ARHGAP24: variants seen among roughly 807,000 people sequenced by gnomAD.
ARHGAP24 encodes the protein Rho GTPase activating protein 24, also known as rho GTPase-activating protein 24.
ARHGAP24 carries 50 observed loss-of-function variants against 76.4 expected under a neutral mutation model. The ratio of observed to expected loss-of-function variants is 0.65; its 90% confidence interval spans 0.52 to 0.83. ARHGAP24 has a LOEUF of 0.83. Ranked by LOEUF, ARHGAP24 falls within the 40% of genes least tolerant of loss-of-function variation. ARHGAP24 has a pLI of 0.00. For synonymous variants in ARHGAP24, 345 were observed against 323.3 expected, an observed-to-expected ratio of 1.07 and a Z score of -0.72; for missense variants, 930 against 914.2, an observed-to-expected ratio of 1.02 and a Z score of -0.22.
In ARHGAP24 at chr4:85,977,682, A is replaced by C. The variant is rs1560760441; in HGVS notation, c.919A>C (p.Ile307Leu). The change falls in exon 8 of 10, where the codon ATC becomes CTC. Residue 307 changes from isoleucine to leucine, a missense_variant. Coordinates refer to ENST00000395184, the MANE Select transcript of ARHGAP24 (RefSeq NM_001025616.3). Reference sequence around the variant, plus strand: ...CCCCAAAGTGGAAGATCCTTTGACTATCATGGAGGGTAAGTAAATGATTAT... The same window carrying C: ...CCCCAAAGTGGAAGATCCTTTGACTCTCATGGAGGGTAAGTAAATGATTAT... ...LRPKVEDPLTIMEGTVVVQQL... is the reference protein window; with the variant it reads ...LRPKVEDPLTLMEGTVVVQQL... 5 of 1,613,794 alleles carry C rather than the reference A, an allele frequency of 3.1e-6. No homozygotes were observed. Among genetic ancestry groups the C allele is most frequent in the East Asian group, 2.2e-5 (1 of 44,840 alleles).
intron 5 of ARHGAP24, among the ~76,000 whole-genome samples, chr4:85,945,452 T>C (rs1009137022): frequency 6.6e-6 from 1 of 151,632 alleles, no homozygotes; most frequent in Non-Finnish European, 1.5e-5. Context: ...TAAAATAACA[T>C]TGTGCTTCTT....
chr4:85,779,620 A>C (rs1014898040), intron 3 of ARHGAP24, among the ~76,000 whole-genome samples: 1 of 152,078 alleles, frequency 6.6e-6, no homozygotes, highest in Non-Finnish European at 1.5e-5. Context: ...TTTTTTAATG[A>C]AGCTTATCTT....
At chr4:85,813,696 TTGTC>T (rs1480840640) in intron 3 of ARHGAP24, among the ~76,000 whole-genome samples, 1 of 151,290 alleles carries the variant, frequency 6.6e-6, no homozygotes, top group Non-Finnish European at 1.5e-5. Context: ...CAAAGAAAGA[TTGTC>T]TGTATTTATG....
At chr4:85,957,979 C>T (rs1437250823) in intron 5 of ARHGAP24, among the ~76,000 whole-genome samples, 1 of 152,196 alleles carries the variant, frequency 6.6e-6, no homozygotes, top group Non-Finnish European at 1.5e-5. Context: ...TTTTGGCTCA[C>T]TTCCACTGAA....
At chr4:85,745,407 GTATATATACA>G (rs36201845) in intron 3 of ARHGAP24, among the ~76,000 whole-genome samples, 73,947 of 137,246 alleles carry the variant, frequency 0.54, 22,083 homozygotes, top group Non-Finnish European at 0.71. Context: ...ATATATAGTA[GTATATATACA>G]TATATATAAT....
chr4:86,000,460 C>G lies in ARHGAP24; in HGVS notation c.2004-19C>G. ...ACTCTTGCGTCCCCACCCCCCACCC[C>G]CCCCAACATCCTTTGTAGCTTAGAA... is the stretch of plus-strand genomic sequence containing the variant. On this transcript the variant is annotated intron_variant, in intron 9 of 9. Transcript: ENST00000395184. The G allele has an allele frequency of 1.2e-6, 1 of 812,226 alleles. No individual in the cohort carries two copies. Among genetic ancestry groups the G allele is most frequent in the South Asian group, 1.4e-5 (1 of 72,438 alleles). 50.3% of individuals were successfully genotyped at this position (812,226 alleles called of 1,614,324 possible). A position where few individuals can be genotyped will look rare whatever the true frequency, so the allele number is the denominator to read the frequency against.
At chr4:85,946,514 T>G (rs1052403808) in intron 5 of ARHGAP24, among the ~76,000 whole-genome samples, 9 of 152,140 alleles carry the variant, frequency 5.9e-5, no homozygotes, top group African/African-American at 2.2e-4. Flanking sequence ...CCAGTATCTG[T>G]TGTTCCCATT....
At chr4:85,954,283 C>T (rs1673000254) in intron 5 of ARHGAP24, among the ~76,000 whole-genome samples, 1 of 152,186 alleles carries the variant, frequency 6.6e-6, no homozygotes, top group South Asian at 2.1e-4. Flanking sequence ...GGATACTATC[C>T]TGATTATTTC....
intron 2 of ARHGAP24, among the ~76,000 whole-genome samples, chr4:85,605,195 T>C (rs1159861977): frequency 6.6e-6 from 1 of 152,224 alleles, no homozygotes; most frequent in African/African-American, 2.4e-5. Flanking sequence ...ACATTATTTT[T>C]GTCATAAAAT....
At chr4:85,734,111 G>A (rs760126439) in intron 3 of ARHGAP24, among the ~76,000 whole-genome samples, 3 of 152,004 alleles carry the variant, frequency 2.0e-5, no homozygotes, top group Non-Finnish European at 4.4e-5. Flanking sequence ...ACTTATTCCT[G>A]CCACAAATAT....
intron 3 of ARHGAP24, among the ~76,000 whole-genome samples, chr4:85,726,463 T>C (rs1725170583): frequency 6.6e-6 from 1 of 152,156 alleles, no homozygotes. Flanking sequence ...AAGTCTTAGC[T>C]GATCCAGTGG....
Position 85,854,154 on chromosome 4 carries a change from AAG to A in ARHGAP24, c.269-69492_269-69491del, listed in dbSNP as rs1553935299. 3.5e-3 allele frequency among the ~76,000 whole-genome samples: 533 copies of A among 150,624 alleles called. 1 individual carries two copies. The highest frequency in any genetic ancestry group is 6.9e-3 in the Middle Eastern group (2 of 290). On this transcript the variant is annotated intron_variant, in intron 3 of 9. Transcript: ENST00000395184. ...CTGTCTCAAAAAAAAAAAAAAAAAAAAGAAAAAAAAGGAAAACTTGCAACTTT... is the reference window on the plus strand; with the variant it reads ...CTGTCTCAAAAAAAAAAAAAAAAAAAAAAAAAAAGGAAAACTTGCAACTTT...
intron 1 of ARHGAP24, among the ~76,000 whole-genome samples, chr4:85,483,543 C>G (rs763115549): frequency 6.6e-6 from 1 of 151,964 alleles, no homozygotes; most frequent in Non-Finnish European, 1.5e-5. Flanking sequence ...ACCCTGGAGG[C>G]GGAGGTTGCA....
At chr4:85,994,035 A>G (rs756674862) in intron 8 of ARHGAP24, among the ~76,000 whole-genome samples, 2 of 152,170 alleles carry the variant, frequency 1.3e-5, no homozygotes, top group African/African-American at 4.8e-5. Context: ...CAAAAGTCTT[A>G]TGGATTTTCA....
chr4:85,483,544 G>A lies in ARHGAP24; in HGVS notation c.-21+7985G>A, dbSNP rs531204656. On this transcript the variant is annotated intron_variant, in intron 1 of 9. Coordinates refer to ENST00000395184, the MANE Select transcript of ARHGAP24 (RefSeq NM_001025616.3). ...GGAGAATTGCTTGAACCCTGGAGGC[G>A]GAGGTTGCAGTGAGCCGAGATGGCG... Among the ~76,000 whole-genome samples, 7 of 152,158 alleles carry A rather than the reference G, an allele frequency of 4.6e-5. No homozygotes were observed. The East Asian group carries it at 9.7e-4, about 21-fold the overall frequency.
intron 2 of ARHGAP24, among the ~76,000 whole-genome samples, chr4:85,710,874 C>G (rs989495558): frequency 6.6e-6 from 1 of 151,844 alleles, no homozygotes; most frequent in Non-Finnish European, 1.5e-5. Flanking sequence ...ACAGAACTAC[C>G]ATTTGACCCA....
intron 2 of ARHGAP24, among the ~76,000 whole-genome samples, chr4:85,620,344 G>A (rs369153513): frequency 6.6e-6 from 1 of 151,998 alleles, no homozygotes; most frequent in East Asian, 1.9e-4. Context: ...TTATTGATCT[G>A]TTCAGCTTTT....
intron 5 of ARHGAP24, among the ~76,000 whole-genome samples, chr4:85,965,901 T>C (rs551706074): frequency 6.6e-6 from 1 of 152,310 alleles, no homozygotes; most frequent in Admixed American, 6.5e-5. Flanking sequence ...GACAGTTCCA[T>C]CAACAGTTTT....
chr4:85,979,372 AG>A (rs1386386371), intron 8 of ARHGAP24, among the ~76,000 whole-genome samples: 1 of 152,206 alleles, frequency 6.6e-6, no homozygotes, highest in Non-Finnish European at 1.5e-5. Context: ...TTAAGTTCAC[AG>A]TTCAGTAGCA....
Sources: gnomAD v4.1 joint callset for allele counts (sites outside exome capture counted in the v4.1 genomes callset) on GRCh38, gnomAD v4.1.1 for gene constraint, MANE v1.5 for transcripts, NCBI Gene and HGNC (gene_info 2026-07-23, HGNC 2026-07-21) for gene names.